ARHGAP26: variants seen among roughly 807,000 people sequenced by gnomAD.
ARHGAP26 encodes the protein rho GTPase-activating protein 26.
In ARHGAP26, 38 loss-of-function variants were observed where a neutral mutation model predicts 104.8. That is an observed-to-expected ratio of 0.36 (90% confidence interval 0.28 to 0.48). ARHGAP26 has a LOEUF of 0.48. Ranked by LOEUF, ARHGAP26 falls within the 20% of genes least tolerant of loss-of-function variation. The pLI, the probability that ARHGAP26 is intolerant of heterozygous loss-of-function variation, is 0.99. For missense variants in ARHGAP26, 704 were observed against 947.9 expected (o/e 0.74, Z 3.38); for synonymous variants, 341 against 340.0 (o/e 1.00, Z -0.03).
chr5:142,935,924 C>A, intron 11 of ARHGAP26, among the ~76,000 whole-genome samples: 1 of 152,006 alleles, frequency 6.6e-6, no homozygotes, highest in Non-Finnish European at 1.5e-5. Context: ...GAATGCTTTC[C>A]CTCTAAGACT....
At chr5:143,221,144 T>C (rs1599580187) in intron 22 of ARHGAP26, among the ~76,000 whole-genome samples, 1 of 152,348 alleles carries the variant, frequency 6.6e-6, no homozygotes, top group Non-Finnish European at 1.5e-5. Flanking sequence ...ATTCCTTCTC[T>C]CTTCCTTCCT....
At position 142,871,110 on chromosome 5, in the gene ARHGAP26, C is replaced by T. The variant is rs116296283; in HGVS notation, c.155-2290C>T. ...TCCATACCAGCAGTCATTACCTAAT[C>T]GTCTATCGGGGGATCGGCCTGTCCT... is the stretch of plus-strand genomic sequence containing the variant. On this transcript the variant is annotated intron_variant, in intron 1 of 22. Transcript: ENST00000645722. The surrounding 1 kb of genome is among the most constrained non-coding windows in gnomAD (Gnocchi z 4.1). Among the ~76,000 whole-genome samples the T allele has an allele frequency of 1.3e-3, 193 of 152,322 alleles. No individual in the cohort carries two copies. Among genetic ancestry groups the T allele is most frequent in the African/African-American group, 4.1e-3 (172 of 41,576 alleles).
rs1811490258 is a variant in ARHGAP26, at chr5:143,224,328, T to C, written c.*1882T>C. The C allele has an allele frequency of 4.3e-6, 1 of 231,570 alleles. No individual in the cohort carries two copies. Among genetic ancestry groups the C allele is most frequent in the African/African-American group, 2.2e-5 (1 of 45,328 alleles). 14.3% of individuals were successfully genotyped at this position (231,570 alleles called of 1,614,324 possible). A position where few individuals can be genotyped will look rare whatever the true frequency, so the allele number is the denominator to read the frequency against. On this transcript the variant is annotated 3_prime_UTR_variant, in exon 23 of 23. Transcript: ENST00000645722. ...GAAAGAGAAGACATTTCTATGGCCTTGCTCTCTGCTGTCCTGTTGGTGGGC... is the reference window on the plus strand; with the variant it reads ...GAAAGAGAAGACATTTCTATGGCCTCGCTCTCTGCTGTCCTGTTGGTGGGC...
At chr5:142,812,033 A>G (rs755265536) in intron 1 of ARHGAP26, among the ~76,000 whole-genome samples, 18 of 152,172 alleles carry the variant, frequency 1.2e-4, no homozygotes, top group Non-Finnish European at 2.4e-4. Flanking sequence ...ATGAGTTGGC[A>G]TTCTCATCTC....
intron 19 of ARHGAP26, among the ~76,000 whole-genome samples, chr5:143,146,045 T>C (rs1291936639): frequency 6.6e-6 from 1 of 152,216 alleles, no homozygotes; most frequent in Non-Finnish European, 1.5e-5. Flanking sequence ...CTGAGGGATA[T>C]ATTGTAACAT....
Position 143,223,728 on chromosome 5 carries a change from G to T in ARHGAP26, c.*1282G>T, listed in dbSNP as rs1599591444. 1 of 231,638 alleles carries T rather than the reference G, an allele frequency of 4.3e-6. No individual in the cohort carries two copies. Among genetic ancestry groups the T allele is most frequent in the Non-Finnish European group, 8.6e-6 (1 of 116,738 alleles). The allele number at this position is 231,638 out of a possible 1,614,324, so 14.3% of individuals were successfully genotyped here. A position where few individuals can be genotyped will look rare whatever the true frequency, so the allele number is the denominator to read the frequency against. ...GGGAATTATTTCTCAGTCTTTCAAGGCTTGAGACTAATATAGGCCATTGTG... is the reference window on the plus strand; with the variant it reads ...GGGAATTATTTCTCAGTCTTTCAAGTCTTGAGACTAATATAGGCCATTGTG... On this transcript the variant is annotated 3_prime_UTR_variant, in exon 23 of 23. Transcript: ENST00000645722.
intron 17 of ARHGAP26, among the ~76,000 whole-genome samples, chr5:143,060,275 T>G (rs1219504501): frequency 2.0e-5 from 3 of 152,246 alleles, no homozygotes; most frequent in Non-Finnish European, 4.4e-5. Context: ...TATTACTTAC[T>G]GTTTGCCTTG....
intron 11 of ARHGAP26, among the ~76,000 whole-genome samples, chr5:142,945,462 T>C (rs949452910): frequency 1.3e-5 from 2 of 152,208 alleles, no homozygotes; most frequent in Non-Finnish European, 2.9e-5. Flanking sequence ...CAGTCTTCTC[T>C]GAGGAGGTTG....
chr5:142,793,381 G>T (rs910826803), intron 1 of ARHGAP26, among the ~76,000 whole-genome samples: 1 of 150,492 alleles, frequency 6.6e-6, no homozygotes, highest in Non-Finnish European at 1.5e-5. Flanking sequence ...AGTCTCACTG[G>T]TCCCAGCTCT....
At chr5:143,075,424 A>T (rs1479491963) in intron 17 of ARHGAP26, among the ~76,000 whole-genome samples, 1 of 151,826 alleles carries the variant, frequency 6.6e-6, no homozygotes, top group Non-Finnish European at 1.5e-5. Flanking sequence ...TTTGCTTTTA[A>T]GTTTTTGAGT....
At chr5:142,854,251 C>G (rs901506023) in intron 1 of ARHGAP26, among the ~76,000 whole-genome samples, 4 of 152,196 alleles carry the variant, frequency 2.6e-5, no homozygotes, top group African/African-American at 9.7e-5. Flanking sequence ...ACCACTTCCA[C>G]CTTTGCCTTG....
At chr5:142,910,455 G>A (rs1385304631) in intron 9 of ARHGAP26, among the ~76,000 whole-genome samples, 1 of 152,198 alleles carries the variant, frequency 6.6e-6, no homozygotes, top group Non-Finnish European at 1.5e-5. Flanking sequence ...AATAGAGACC[G>A]AGGCCGGATG....
intron 11 of ARHGAP26, among the ~76,000 whole-genome samples, chr5:142,951,588 G>T (rs1247333648): frequency 2.0e-5 from 3 of 152,176 alleles, no homozygotes; most frequent in Admixed American, 6.5e-5. Context: ...TGTCAGGGTG[G>T]TAGTATGTCC....
At chr5:143,032,886 T>A (rs1170479354) in intron 12 of ARHGAP26, among the ~76,000 whole-genome samples, 2 of 152,064 alleles carry the variant, frequency 1.3e-5, no homozygotes, top group Non-Finnish European at 2.9e-5. Flanking sequence ...GAGATGGGGG[T>A]CCCCAGGCAG....
At chr5:142,840,453 T>G (rs939516362) in intron 1 of ARHGAP26, among the ~76,000 whole-genome samples, 2 of 152,200 alleles carry the variant, frequency 1.3e-5, no homozygotes, top group Non-Finnish European at 2.9e-5. Flanking sequence ...GTTTTTTGAC[T>G]ATTGTTAAAT....
chr5:143,046,624 G>A (rs193119209), intron 14 of ARHGAP26, among the ~76,000 whole-genome samples: 1 of 152,312 alleles, frequency 6.6e-6, no homozygotes, highest in East Asian at 1.9e-4. Flanking sequence ...GAAATAGAAT[G>A]CCTTCTGTGT....
chr5:143,181,946 C>T lies in ARHGAP26; in HGVS notation c.1989-25252C>T, dbSNP rs533491640. Among the ~76,000 whole-genome samples the T allele has an allele frequency of 3.1e-4, 47 of 152,252 alleles. 1 individual carries two copies. The South Asian group carries it at 8.9e-3, about 29-fold the overall frequency. On this transcript the variant is annotated intron_variant, in intron 20 of 22. Coordinates refer to ENST00000645722, the MANE Select transcript of ARHGAP26 (RefSeq NM_001135608.3). ...GTTTACCTGACTTAACTAACCTCTC[C>T]GACTTCCCCTGACACGGCTGCCTCC...
chr5:143,059,957 G>A (rs769316412), intron 17 of ARHGAP26, among the ~76,000 whole-genome samples: 5 of 152,186 alleles, frequency 3.3e-5, no homozygotes, highest in Non-Finnish European at 7.3e-5. Context: ...ATATGAATGA[G>A]CAGTGTTGAA....
chr5:143,178,596 G>A (rs1803845117), intron 20 of ARHGAP26, among the ~76,000 whole-genome samples: 1 of 152,176 alleles, frequency 6.6e-6, no homozygotes, highest in Admixed American at 6.5e-5. Context: ...CCACTATTCA[G>A]CGCTACTACA....
Sources: gnomAD v4.1 joint callset for allele counts (sites outside exome capture counted in the v4.1 genomes callset) on GRCh38, gnomAD v4.1.1 for gene constraint, Gnocchi (gnomAD v3.1) non-coding constraint, MANE v1.5 for transcripts, NCBI Gene and HGNC (gene_info 2026-07-23, HGNC 2026-07-21) for gene names.